GRIK4: variants seen among roughly 807,000 people sequenced by gnomAD.
GRIK4 encodes the protein glutamate receptor ionotropic, kainate 4.
In GRIK4, 40 loss-of-function variants were observed where a neutral mutation model predicts 104.9. The ratio of observed to expected loss-of-function variants is 0.38; its 90% CI spans 0.30 to 0.50. GRIK4 has a LOEUF of 0.50. Among genes scored for constraint, GRIK4 ranks in the 20% least tolerant of loss-of-function variants. The pLI is 0.93. For synonymous variants in GRIK4, 485 were observed against 524.9 expected (o/e 0.92, Z 1.04); for missense variants, 1,047 against 1,308.1 (o/e 0.80, Z 3.08).
intron 9 of GRIK4, 164 bp from the exon 10 acceptor site, chr11:120,873,902 G>A (rs990717476): frequency 6.6e-6 from 4 of 605,816 alleles, no homozygotes; most frequent in Non-Finnish European, 1.2e-5. Flanking sequence ...AGTAGAGCTG[G>A]CCCAGAGACA....
At chr11:120,722,599 A>G (rs924394474) in intron 3 of GRIK4, among the ~76,000 whole-genome samples, 14 of 149,432 alleles carry the variant, frequency 9.4e-5, no homozygotes, top group Admixed American at 7.5e-4. Context: ...TGCGTGACAA[A>G]GCGAGACTCC....
chr11:120,835,131 T>A (rs1953539878), intron 7 of GRIK4, among the ~76,000 whole-genome samples: 1 of 152,220 alleles, frequency 6.6e-6, no homozygotes, highest in African/African-American at 2.4e-5. Context: ...CTGAGACTCC[T>A]GCCCCAGTCA....
intron 1 of GRIK4, among the ~76,000 whole-genome samples, chr11:120,625,011 C>T (rs1020430812): frequency 4.6e-5 from 7 of 152,130 alleles, no homozygotes; most frequent in Admixed American, 1.3e-4. Flanking sequence ...AGGCCGGGCG[C>T]GGTGGCTCAC....
chr11:120,660,383 C>T lies in GRIK4; in HGVS notation c.65C>T (p.Pro22Leu), dbSNP rs771171484. ...PAWLVMVACS[P>L]HSLRIAAILD... is the part of the protein sequence containing the mutation. ...TGGCTCGTGATGGTCGCCTGCAGCC[C>T]GCACTCCTTGAGGATCGGTAAGTGT... Residue 22 changes from proline (P) to leucine (L), a missense_variant, in exon 3 of 21, where the codon CCG (proline) becomes CTG (leucine). Pro to Leu is a moderately conservative substitution (Grantham distance 98). Transcript: ENST00000527524. 9.9e-6 allele frequency: 16 copies of T among 1,612,684 alleles called. No individual in the cohort carries two copies. The South Asian group carries it at 1.2e-4, about 12-fold the overall frequency.
chr11:120,954,808 C>A (rs974448585), intron 15 of GRIK4, among the ~76,000 whole-genome samples: 69 of 65,114 alleles, frequency 1.1e-3, no homozygotes, highest in Admixed American at 5.0e-3. Context: ...CACACACACA[C>A]ACACACACAC....
chr11:120,975,429 A>G (rs1418180567), intron 19 of GRIK4, among the ~76,000 whole-genome samples: 7 of 152,092 alleles, frequency 4.6e-5, no homozygotes, highest in Non-Finnish European at 4.4e-5. Context: ...ATCAAATTAG[A>G]TCTATTTTTG....
intron 1 of GRIK4, among the ~76,000 whole-genome samples, chr11:120,582,450 T>TCTCC (rs1004120870): frequency 6.6e-6 from 1 of 152,108 alleles, no homozygotes; most frequent in Admixed American, 6.5e-5. Flanking sequence ...TTTTTAGTCT[T>TCTCC]CTCCCTCCTC....
intron 3 of GRIK4, among the ~76,000 whole-genome samples, chr11:120,785,107 G>C (rs538259893): frequency 6.6e-6 from 1 of 152,058 alleles, no homozygotes; most frequent in African/African-American, 2.4e-5. Context: ...CCCATAAGTC[G>C]TCCAGAAGGC....
Position 120,771,201 on chromosome 11 carries a change from T to C in GRIK4, c.83-31492T>C, listed in dbSNP as rs143729804. 8.5e-5 allele frequency among the ~76,000 whole-genome samples: 13 copies of C among 152,126 alleles called. No homozygotes were observed. The East Asian group carries it at 2.5e-3, about 29-fold the overall frequency. On this transcript the variant is annotated intron_variant, in intron 3 of 20. Coordinates refer to ENST00000527524, the MANE Select transcript of GRIK4 (RefSeq NM_014619.5). Reference sequence around the variant, plus strand: ...ACCACAGAGAAAACTTCAGTCTTTGTAGAGATTAGCTAAGTGGTCATGAAC... The same window carrying C: ...ACCACAGAGAAAACTTCAGTCTTTGCAGAGATTAGCTAAGTGGTCATGAAC...
intron 3 of GRIK4, among the ~76,000 whole-genome samples, chr11:120,693,898 G>C (rs889175014): frequency 6.6e-6 from 1 of 152,170 alleles, no homozygotes; most frequent in Non-Finnish European, 1.5e-5. Context: ...TTGCCGTGTA[G>C]ATGCACCTCT....
intron 3 of GRIK4, among the ~76,000 whole-genome samples, chr11:120,795,880 A>T (rs1345708539): frequency 6.6e-6 from 1 of 152,182 alleles, no homozygotes; most frequent in Non-Finnish European, 1.5e-5. Flanking sequence ...GTATTTGCAT[A>T]TAACTTATGC....
intron 3 of GRIK4, among the ~76,000 whole-genome samples, chr11:120,778,535 C>T (rs949406495): frequency 7.2e-5 from 11 of 152,184 alleles, no homozygotes; most frequent in Admixed American, 1.3e-4. Flanking sequence ...TTAAAATCGG[C>T]TTTTTCAAAC....
chr11:120,713,276 GTTGT>G lies in GRIK4; in HGVS notation c.82+52880_82+52883del, dbSNP rs536092679. ...CAGCGTTCTATTCTGCTGTTCATTG[GTTGT>G]TTGGATTCGGCCACCTGACATGCTA... On this transcript the variant is annotated intron_variant, in intron 3 of 20. Transcript: ENST00000527524. Among the ~76,000 whole-genome samples, 106 of 152,274 alleles carry G rather than the reference GTTGT, an allele frequency of 7.0e-4. 1 individual carries two copies. Among genetic ancestry groups the G allele is most frequent in the African/African-American group, 2.4e-3 (98 of 41,542 alleles).
chr11:120,969,128 A>G (rs1944432000), intron 19 of GRIK4, among the ~76,000 whole-genome samples: 1 of 152,256 alleles, frequency 6.6e-6, no homozygotes, highest in Non-Finnish European at 1.5e-5. Context: ...CAGGCTTACC[A>G]GCAAGCATCT....
intron 1 of GRIK4, among the ~76,000 whole-genome samples, chr11:120,603,552 C>T (rs1266498750): frequency 6.6e-6 from 1 of 152,182 alleles, no homozygotes; most frequent in Non-Finnish European, 1.5e-5. Flanking sequence ...CATGATCATC[C>T]ACCTTGCTTT....
intron 3 of GRIK4, among the ~76,000 whole-genome samples, chr11:120,708,538 AT>A (rs1950667820): frequency 6.6e-6 from 1 of 151,780 alleles, no homozygotes; most frequent in East Asian, 1.9e-4. Context: ...CAGTATGGGT[AT>A]TTTTCCTTTT....
At chr11:120,559,102 T>A (rs1290383951) in intron 1 of GRIK4, among the ~76,000 whole-genome samples, 1 of 152,144 alleles carries the variant, frequency 6.6e-6, no homozygotes, top group Non-Finnish European at 1.5e-5. Flanking sequence ...ACAACTTAGA[T>A]TAGGACCCTT....
chr11:120,768,825 A>G (rs1405079563), intron 3 of GRIK4, among the ~76,000 whole-genome samples: 1 of 152,170 alleles, frequency 6.6e-6, no homozygotes, highest in Non-Finnish European at 1.5e-5. Flanking sequence ...TCATTCTATT[A>G]ATGTGATGTG....
At chr11:120,629,875 G>A (rs1949311906) in intron 1 of GRIK4, among the ~76,000 whole-genome samples, 1 of 152,204 alleles carries the variant, frequency 6.6e-6, no homozygotes, top group South Asian at 2.1e-4. Flanking sequence ...CTGCACCAGG[G>A]CAGGGGCCTC....
Sources: allele counts gnomAD v4.1 joint callset (sites outside exome capture counted in the v4.1 genomes callset), GRCh38; gene constraint gnomAD v4.1.1; transcripts MANE v1.5; gene names NCBI Gene and HGNC (gene_info 2026-07-23, HGNC 2026-07-21).